The following CACNG2 variants were observed in gnomAD, a reference collection of about 807,000 sequenced individuals.
CACNG2 encodes the protein voltage-dependent calcium channel gamma-2 subunit.
A neutral mutation model predicts 25.9 loss-of-function variants in CACNG2; 3 were observed. The ratio of observed to expected loss-of-function variants is 0.12; its 90% CI spans 0.05 to 0.30. The LOEUF is 0.30. Among genes scored for constraint, CACNG2 ranks in the 10% least tolerant of loss-of-function variants. The probability of loss-of-function intolerance (pLI) is 1.00; values close to 1 mark genes in which losing one functional copy is unlikely to be tolerated. For missense variants in CACNG2, 341 were observed against 432.5 expected, an observed-to-expected ratio of 0.79 and a Z score of 1.88; for synonymous variants, 167 against 173.3, an observed-to-expected ratio of 0.96 and a Z score of 0.29.
At chr22:36,632,025 A>AACTTCCTTG (rs1936280205) in intron 1 of CACNG2, among the ~76,000 whole-genome samples, 1 of 152,150 alleles carries the variant, frequency 6.6e-6, no homozygotes, top group Admixed American at 6.5e-5. Flanking sequence ...TGAAAGGAAG[A>AACTTCCTTG]ACTTCCTTGA....
chr22:36,599,224 C>T (rs1023628742), intron 1 of CACNG2, among the ~76,000 whole-genome samples: 2 of 151,812 alleles, frequency 1.3e-5, no homozygotes, highest in African/African-American at 4.8e-5. Context: ...TACAGCTACA[C>T]AAGTCAACCC....
intron 1 of CACNG2, among the ~76,000 whole-genome samples, chr22:36,671,446 A>G (rs536483419): frequency 2.8e-4 from 43 of 152,178 alleles, no homozygotes; most frequent in African/African-American, 1.0e-3. Flanking sequence ...CGTGAGGCCT[A>G]TTGCTTCAAA....
intron 1 of CACNG2, among the ~76,000 whole-genome samples, chr22:36,630,962 C>T (rs768586428): frequency 9.2e-5 from 14 of 152,162 alleles, no homozygotes; most frequent in Non-Finnish European, 1.8e-4. Context: ...TCCCAAGTAG[C>T]TGGGTCTATA....
intron 1 of CACNG2, among the ~76,000 whole-genome samples, chr22:36,644,769 C>A (rs1335572776): frequency 6.6e-6 from 1 of 152,062 alleles, no homozygotes; most frequent in Non-Finnish European, 1.5e-5. Flanking sequence ...CTTAAAACAG[C>A]GCCTGGTGAA....
rs940008611 is a variant in CACNG2, at chr22:36,637,191, T to A, written c.212-49643A>T. 2.0e-5 allele frequency among the ~76,000 whole-genome samples: 3 copies of A among 152,196 alleles called. No individual in the cohort carries two copies. In the East Asian group the frequency reaches 5.8e-4, roughly 29 times the overall value. ...ATTTACTTAGCACATGCTCAATAGCTACTGTCAGGTGGTGAAAAGCTCTCA... is the reference window on the plus strand; with the variant it reads ...ATTTACTTAGCACATGCTCAATAGCAACTGTCAGGTGGTGAAAAGCTCTCA... On this transcript the variant is annotated intron_variant, in intron 1 of 3. Transcript: ENST00000300105.
rs531040740 is a variant in CACNG2, at chr22:36,561,199, G to T, written c.*3152C>A. 2.6e-5 allele frequency: 4 copies of T among 152,344 alleles called. No individual in the cohort carries two copies. The highest frequency in any genetic ancestry group is 6.5e-5 in the Admixed American group (1 of 15,302). 9.4% of individuals were successfully genotyped at this position (152,344 alleles called of 1,614,324 possible). On this transcript the variant is annotated 3_prime_UTR_variant, in exon 4 of 4. Coordinates refer to ENST00000300105, the MANE Select transcript of CACNG2 (RefSeq NM_006078.5). ...TGCGCCATGGAAAGAAGCACTGATC[G>T]CCTTCCCAGACGCTCTGCCAGAATT...
rs987803681 is a variant in CACNG2 at position 36,602,793 on chromosome 22, C to T, written c.212-15245G>A. Among the ~76,000 whole-genome samples the T allele has an allele frequency of 4.6e-5, 7 of 152,174 alleles. 1 individual carries two copies. Among genetic ancestry groups the T allele is most frequent in the South Asian group, 4.1e-4 (2 of 4,834 alleles). Reference sequence around the variant, plus strand: ...CCAAGAACTGCACTATATAAGATGACGAACTTAATTGATAAATGCTATGTA... The same window carrying T: ...CCAAGAACTGCACTATATAAGATGATGAACTTAATTGATAAATGCTATGTA... On this transcript the variant is annotated intron_variant, in intron 1 of 3. Transcript: ENST00000300105.
chr22:36,643,963 G>T (rs1300241989), intron 1 of CACNG2, among the ~76,000 whole-genome samples: 1 of 152,180 alleles, frequency 6.6e-6, no homozygotes, highest in Non-Finnish European at 1.5e-5. Context: ...TTCTCAGGCA[G>T]TCTAAACTCA....
At chr22:36,596,199 G>A (rs1336613592) in intron 1 of CACNG2, among the ~76,000 whole-genome samples, 1 of 152,198 alleles carries the variant, frequency 6.6e-6, no homozygotes, top group Admixed American at 6.5e-5. Context: ...AGCAAAGGAA[G>A]GGTTTAGTGG....
In CACNG2 at chr22:36,606,046, C is replaced by T. The variant is rs559943060; in HGVS notation, c.212-18498G>A. On this transcript the variant is annotated intron_variant, in intron 1 of 3. Transcript: ENST00000300105. This position sits in a 1 kb window ranked among gnomAD's most constrained non-coding sequence, Gnocchi z 5.7. The stretch of plus-strand genomic sequence containing the variant: ...GCGTGGGTCTGAGTTCTCTTTCTGC[C>T]GTGTATTAACCATGTGCTCTCGGAC... 3.7e-4 allele frequency among the ~76,000 whole-genome samples: 57 copies of T among 152,288 alleles called. No individual in the cohort carries two copies. The highest frequency in any genetic ancestry group is 1.2e-3 in the African/African-American group (51 of 41,558).
At chr22:36,642,350 A>G (rs1411797660) in intron 1 of CACNG2, among the ~76,000 whole-genome samples, 2 of 151,816 alleles carry the variant, frequency 1.3e-5, no homozygotes, top group Non-Finnish European at 2.9e-5. Context: ...CGTTTCTTCC[A>G]CTCCACCCCC....
intron 1 of CACNG2, among the ~76,000 whole-genome samples, chr22:36,669,625 G>A (rs996932545): frequency 1.3e-5 from 2 of 151,664 alleles, no homozygotes; most frequent in African/African-American, 2.4e-5. Flanking sequence ...GTGCATGTAC[G>A]CGCATGAGTG....
chr22:36,613,598 C>G (rs926994600), intron 1 of CACNG2, among the ~76,000 whole-genome samples: 2 of 152,126 alleles, frequency 1.3e-5, no homozygotes, highest in Non-Finnish European at 2.9e-5. Context: ...GGGGCTCTCT[C>G]TTTGGCTGTC....
chr22:36,564,713 G>C lies in CACNG2; in HGVS notation c.610C>G (p.Arg204Gly), dbSNP rs1438259357. The C allele has an allele frequency of 1.2e-6, 2 of 1,614,144 alleles. No homozygotes were observed. Among genetic ancestry groups the C allele is most frequent in the Admixed American group, 1.7e-5 (1 of 60,032 alleles). Residue 204 changes from arginine (R) to glycine (G), a missense_variant, in exon 4 of 4, where the codon CGG (arginine) becomes GGG (glycine). Arg to Gly is a moderately radical substitution (Grantham distance 125). This residue lies in a region of CACNG2 where 172 missense variants were observed against 178.1 expected (regional missense o/e 0.97). Transcript: ENST00000300105. This position sits in a 1 kb window ranked among gnomAD's most constrained non-coding sequence, Gnocchi z 6.7. ...GCCGTGGCCCGCAGCTGTTTGTGCCGGTCGATAAACATGTGCACCGCCAGC... is the reference window on the plus strand; with the variant it reads ...GCCGTGGCCCGCAGCTGTTTGTGCCCGTCGATAAACATGTGCACCGCCAGC... ...GVLAVHMFID[R>G]HKQLRATARA... is the part of the protein sequence containing the mutation.
At chr22:36,663,047 AAGAG>A (rs1018102309) in intron 1 of CACNG2, among the ~76,000 whole-genome samples, 1 of 143,636 alleles carries the variant, frequency 7.0e-6, no homozygotes, top group Admixed American at 6.6e-5. Flanking sequence ...TTAAAAAAAA[AAGAG>A]AGAGAGAGAG....
At chr22:36,694,384 A>G (rs1937305883) in intron 1 of CACNG2, among the ~76,000 whole-genome samples, 1 of 152,166 alleles carries the variant, frequency 6.6e-6, no homozygotes, top group Non-Finnish European at 1.5e-5. Flanking sequence ...TACCCAGGAG[A>G]AAGGACTGGG....
At chr22:36,683,173 C>G (rs970067624) in intron 1 of CACNG2, among the ~76,000 whole-genome samples, 1 of 152,184 alleles carries the variant, frequency 6.6e-6, no homozygotes, top group Admixed American at 6.5e-5. Context: ...TTCCAGGCCC[C>G]CACATTAATA....
intron 1 of CACNG2, among the ~76,000 whole-genome samples, chr22:36,644,121 G>A (rs1936484154): frequency 1.3e-5 from 2 of 152,150 alleles, no homozygotes; most frequent in Admixed American, 6.5e-5. Context: ...ACACCCATAT[G>A]CAACGGGAGG....
At chr22:36,627,015 A>G (rs1936195361) in intron 1 of CACNG2, among the ~76,000 whole-genome samples, 2 of 152,252 alleles carry the variant, frequency 1.3e-5, no homozygotes, top group South Asian at 4.1e-4. Flanking sequence ...ACAGATAGGA[A>G]GTGACAGAGC....
Sources: gnomAD v4.1 joint callset for allele counts (sites outside exome capture counted in the v4.1 genomes callset) on GRCh38, gnomAD v4.1.1 for gene constraint, gnomAD v4.1.1 regional missense constraint, Gnocchi (gnomAD v3.1) non-coding constraint, MANE v1.5 for transcripts, NCBI Gene and HGNC (gene_info 2026-07-23, HGNC 2026-07-21) for gene names.